Variants in KALRN observed in about 807,000 individuals in gnomAD.
KALRN encodes kalirin RhoGEF kinase, also known as kalirin.
A neutral mutation model predicts 353.7 loss-of-function variants in KALRN; 70 were observed. The observed-to-expected ratio is 0.20, with a 90% CI of 0.16 to 0.24. KALRN has a LOEUF of 0.24. Ranked by LOEUF, KALRN falls within the 10% of genes least tolerant of loss-of-function variation. KALRN has a pLI of 1.00. For missense variants in KALRN, 2,791 were observed against 3,756.7 expected, an observed-to-expected ratio of 0.74 and a Z score of 6.72; for synonymous variants, 1,391 against 1,434.8, an observed-to-expected ratio of 0.97 and a Z score of 0.69.
intron 33 of KALRN, among the ~76,000 whole-genome samples, chr3:124,506,022 A>G (rs766135080): frequency 1.3e-5 from 2 of 152,164 alleles, no homozygotes; most frequent in Non-Finnish European, 2.9e-5. Flanking sequence ...GGGTGAATAC[A>G]TGGGTGTGTG....
intron 34 of KALRN, among the ~76,000 whole-genome samples, chr3:124,593,168 G>T (rs2075970440): frequency 6.6e-6 from 1 of 152,200 alleles, no homozygotes; most frequent in African/African-American, 2.4e-5. Context: ...TGGGGAAAGG[G>T]ATGTTATCTT....
chr3:124,326,186 C>T lies in KALRN; in HGVS notation c.1284+15C>T, dbSNP rs1007704007. 5.6e-6 allele frequency: 9 copies of T among 1,601,492 alleles called. No homozygotes were observed. Among genetic ancestry groups the T allele is most frequent in the Non-Finnish European group, 7.7e-6 (9 of 1,172,390 alleles). On this transcript the variant is annotated intron_variant, in intron 7 of 59. Coordinates refer to ENST00000682506, the MANE Select transcript of KALRN (RefSeq NM_001388419.1). ...AGGCTGAGCAGGTAAGGTGCAGAAACCTGCAGCAGCTGCTGTTGGTAGGAA... is the reference window on the plus strand; with the variant it reads ...AGGCTGAGCAGGTAAGGTGCAGAAATCTGCAGCAGCTGCTGTTGGTAGGAA...
chr3:124,243,783 C>T (rs2080792716), intron 3 of KALRN, among the ~76,000 whole-genome samples: 1 of 152,156 alleles, frequency 6.6e-6, no homozygotes, highest in African/African-American at 2.4e-5. Flanking sequence ...AAAGATATTA[C>T]CAAACACAAT....
chr3:124,587,686 C>T (rs2075333086), intron 34 of KALRN, among the ~76,000 whole-genome samples: 2 of 137,222 alleles, frequency 1.5e-5, no homozygotes, highest in Non-Finnish European at 3.3e-5. Context: ...TTCCCTCCAC[C>T]CCCACCCTCC....
intron 1 of KALRN, among the ~76,000 whole-genome samples, chr3:124,111,611 A>G (rs907038400): frequency 1.3e-5 from 2 of 152,330 alleles, no homozygotes; most frequent in Middle Eastern, 3.4e-3. Context: ...TAAGAAGCAT[A>G]GTCATGGTTC....
At chr3:124,034,483 TG>T (rs918065795) in intron 1 of KALRN, among the ~76,000 whole-genome samples, 1 of 152,126 alleles carries the variant, frequency 6.6e-6, no homozygotes, top group Non-Finnish European at 1.5e-5. Flanking sequence ...TACTCATTCC[TG>T]GAAGTGTGAG....
intron 1 of KALRN, among the ~76,000 whole-genome samples, chr3:124,044,036 TC>T (rs1470578776): frequency 2.0e-5 from 3 of 152,028 alleles, no homozygotes; most frequent in African/African-American, 7.2e-5. Flanking sequence ...TCTCTAGAAG[TC>T]CTAGAAGAAA....
In KALRN at chr3:124,713,951, G is replaced by A. The variant is rs1023010151; in HGVS notation, c.8276+816G>A. The stretch of plus-strand genomic sequence containing the variant: ...ACTACCATGTTAGTCCGGCTCTTGC[G>A]TGCTTGTTAGTCTAGGTGTGTGTGT... On this transcript the variant is annotated intron_variant, in intron 58 of 59. Transcript: ENST00000682506. 2.6e-5 allele frequency among the ~76,000 whole-genome samples: 4 copies of A among 152,024 alleles called. No homozygotes were observed. The South Asian group carries it at 6.2e-4, about 24-fold the overall frequency.
chr3:124,602,540 C>T (rs1171306525), intron 34 of KALRN, among the ~76,000 whole-genome samples: 1 of 152,196 alleles, frequency 6.6e-6, no homozygotes, highest in African/African-American at 2.4e-5. Flanking sequence ...ACTGAAATCC[C>T]TCTGCCTTCC....
chr3:124,584,856 C>A, intron 34 of KALRN: 1 of 1,607,512 alleles, frequency 6.2e-7, no homozygotes, highest in East Asian at 2.2e-5. Flanking sequence ...ACCCGAGGTC[C>A]CTCTTTGGGG....
intron 3 of KALRN, among the ~76,000 whole-genome samples, chr3:124,261,758 A>G (rs2072899079): frequency 6.6e-6 from 1 of 152,220 alleles, no homozygotes. Context: ...TCTGAGGAGC[A>G]GGAAAATAAG....
intron 33 of KALRN, among the ~76,000 whole-genome samples, chr3:124,510,781 C>T (rs2065819821): frequency 6.6e-6 from 1 of 152,200 alleles, no homozygotes; most frequent in Non-Finnish European, 1.5e-5. Flanking sequence ...GAGAACTGCT[C>T]TTGAACTTCT....
intron 33 of KALRN, among the ~76,000 whole-genome samples, chr3:124,513,233 A>G (rs1038919436): frequency 8.5e-5 from 13 of 152,322 alleles, no homozygotes; most frequent in Middle Eastern, 3.4e-3. Context: ...GTTTACCCCA[A>G]AACCCCGCAG....
At chr3:124,286,190 CTTCCT>C (rs1478331588) in intron 5 of KALRN, among the ~76,000 whole-genome samples, 1 of 142,846 alleles carries the variant, frequency 7.0e-6, no homozygotes, top group Non-Finnish European at 1.5e-5. Context: ...TTCTTCCTTC[CTTCCT>C]TTCTCTTTTC....
In KALRN at chr3:124,475,976, G is replaced by GT. The variant is rs879510683; in HGVS notation, c.4101+1254dup. Among the ~76,000 whole-genome samples the GT allele has an allele frequency of 3.3e-3, 481 of 145,602 alleles. 1 individual carries two copies. Among genetic ancestry groups the GT allele is most frequent in the Non-Finnish European group, 4.9e-3 (320 of 65,838 alleles). On this transcript the variant is annotated intron_variant, in intron 26 of 59. Transcript: ENST00000682506. Reference sequence around the variant, plus strand: ...GACAAGATTGACCATTAAGTAAAGGGTTTTTTTTTTGCATCTTCTTTCATG... The same window carrying GT: ...GACAAGATTGACCATTAAGTAAAGGGTTTTTTTTTTTGCATCTTCTTTCATG...
intron 39 of KALRN, 54 bp downstream of exon 39, chr3:124,655,721 A>G: frequency 7.5e-7 from 1 of 1,331,958 alleles, no homozygotes; most frequent in Non-Finnish European, 1.1e-6. Flanking sequence ...AGCACGTTGG[A>G]CCCTACCTAG....
intron 11 of KALRN, among the ~76,000 whole-genome samples, chr3:124,390,508 G>A (rs2089196350): frequency 6.6e-6 from 1 of 152,170 alleles, no homozygotes; most frequent in Non-Finnish European, 1.5e-5. Flanking sequence ...GTCTTCAAGA[G>A]AGATGATGGC....
At chr3:124,229,712 G>T (rs766541113) in intron 2 of KALRN, among the ~76,000 whole-genome samples, 23 of 152,244 alleles carry the variant, frequency 1.5e-4, no homozygotes, top group Non-Finnish European at 2.5e-4. Context: ...GAGTGTAGGT[G>T]TGGGAGGTGA....
chr3:124,337,521 G>T (rs1413390348), intron 9 of KALRN, among the ~76,000 whole-genome samples: 1 of 152,176 alleles, frequency 6.6e-6, no homozygotes, highest in Non-Finnish European at 1.5e-5. Flanking sequence ...TAAGCTTTTG[G>T]ATGTGCTGCT....
Sources: gnomAD v4.1 joint callset for allele counts (sites outside exome capture counted in the v4.1 genomes callset) on GRCh38, gnomAD v4.1.1 for gene constraint, MANE v1.5 for transcripts, NCBI Gene and HGNC (gene_info 2026-07-23, HGNC 2026-07-21) for gene names.